The following IQCH variants were observed in gnomAD, a reference collection of about 807,000 sequenced individuals.
IQCH encodes IQ domain-containing protein H.
In IQCH, 98 loss-of-function variants were observed where a neutral mutation model predicts 117.0. That is an observed-to-expected ratio of 0.84 (90% confidence interval 0.71 to 0.99). The LOEUF (loss-of-function observed/expected upper bound fraction) is 0.99. IQCH is among the 50% of genes least tolerant of loss of function. IQCH has a pLI of 0.00. For missense variants in IQCH, 1,102 were observed against 1,243.8 expected, an observed-to-expected ratio of 0.89 and a Z score of 1.72; for synonymous variants, 412 against 448.2, an observed-to-expected ratio of 0.92 and a Z score of 1.02.
Position 67,490,359 on chromosome 15 carries a change from C to T in IQCH, c.2861+295C>T, listed in dbSNP as rs1001224733. Among the ~76,000 whole-genome samples the T allele has an allele frequency of 3.9e-5, 6 of 152,094 alleles. No individual in the cohort carries two copies. Among genetic ancestry groups the T allele is most frequent in the Non-Finnish European group, 8.8e-5 (6 of 68,016 alleles). ...TAGCTGGGATTACAGGTGCGTGCCA[C>T]CATGCCCAGCTAATTTTTGTATTTT... On this transcript the variant is annotated intron_variant, in intron 19 of 20. Transcript: ENST00000335894. The surrounding 1 kb of genome is among the most constrained non-coding windows in gnomAD (Gnocchi z 4.9).
intron 4 of IQCH, among the ~76,000 whole-genome samples, chr15:67,318,027 G>A (rs1028284214): frequency 5.9e-5 from 9 of 152,108 alleles, no homozygotes; most frequent in Admixed American, 1.3e-4. Flanking sequence ...TCACCCCCAT[G>A]CCCAATTTTC....
At chr15:67,289,980 C>T (rs557827200) in intron 4 of IQCH, among the ~76,000 whole-genome samples, 8 of 152,216 alleles carry the variant, frequency 5.3e-5, no homozygotes, top group East Asian at 3.9e-4. Context: ...TTTGACATCA[C>T]GTGCAGCATC....
rs188508258 is a variant in IQCH at position 67,328,138 on chromosome 15, G to T, written c.388-8837G>T. On this transcript the variant is annotated intron_variant, in intron 4 of 20. Transcript: ENST00000335894. ...TTCAAATAGTTGGAGTTTTGTGGGG[G>T]TTTTTTGTTTGTTTGTTTTTAGTTT... 5.6e-3 allele frequency among the ~76,000 whole-genome samples: 763 copies of T among 136,764 alleles called. 6 individuals carry two copies. The highest frequency in any genetic ancestry group is 0.018 in the African/African-American group (683 of 38,012). 89.7% of individuals were successfully genotyped at this position (136,764 alleles called of 152,430 possible). A position where few individuals can be genotyped will look rare whatever the true frequency, so the allele number is the denominator to read the frequency against.
chr15:67,298,681 C>T (rs1422755143), intron 4 of IQCH, among the ~76,000 whole-genome samples: 1 of 152,056 alleles, frequency 6.6e-6, no homozygotes. Context: ...GCCTGGCCAA[C>T]ATGATGAAAC....
intron 10 of IQCH, among the ~76,000 whole-genome samples, chr15:67,380,839 T>A (rs934356154): frequency 3.9e-5 from 6 of 152,268 alleles, no homozygotes; most frequent in Admixed American, 3.9e-4. Context: ...TTGAGAACTA[T>A]TCCTCCAGAT....
In IQCH at chr15:67,357,363, G is replaced by A. The variant is rs945372739; in HGVS notation, c.656G>A (p.Arg219Gln). The A allele has an allele frequency of 1.9e-5, 30 of 1,609,976 alleles. No homozygotes were observed. Among genetic ancestry groups the A allele is most frequent in the Non-Finnish European group, 2.3e-5 (27 of 1,176,358 alleles). Residue 219 changes from arginine to glutamine, a missense_variant, in exon 7 of 21, where the codon CGG (arginine) becomes CAG (glutamine). Physicochemically the swap from Arg to Gln is conservative, Grantham distance 43. Transcript: ENST00000335894. Reference sequence around the variant, plus strand: ...TCCACAGCCACTTTCACTATACCTCGGGAACCACCTCCATCTCCAGCAGAA... The same window carrying A: ...TCCACAGCCACTTTCACTATACCTCAGGAACCACCTCCATCTCCAGCAGAA... ...IPTVATFTIP[R>Q]EPPPSPAEVK... is the part of the protein sequence containing the mutation.
At chr15:67,317,761 A>G (rs1334991711) in intron 4 of IQCH, among the ~76,000 whole-genome samples, 1 of 152,192 alleles carries the variant, frequency 6.6e-6, no homozygotes, top group Non-Finnish European at 1.5e-5. Context: ...ATTTAATTCA[A>G]TAAAATGTAA....
intron 18 of IQCH, among the ~76,000 whole-genome samples, chr15:67,477,809 C>T (rs977051915): frequency 1.1e-4 from 17 of 152,170 alleles, no homozygotes; most frequent in African/African-American, 3.6e-4. Flanking sequence ...CTTCCCCCCA[C>T]ACAAAAGTGC....
intron 5 of IQCH, among the ~76,000 whole-genome samples, chr15:67,340,035 CCTA>C (rs1432086730): frequency 6.6e-6 from 1 of 152,154 alleles, no homozygotes; most frequent in Non-Finnish European, 1.5e-5. Context: ...TTCCTTACCA[CCTA>C]TAAGGCTGAA....
chr15:67,442,861 TAGATATAC>T (rs869178344), intron 16 of IQCH, among the ~76,000 whole-genome samples: 1 of 124,676 alleles, frequency 8.0e-6, no homozygotes, highest in African/African-American at 3.1e-5. Flanking sequence ...GATAGATAGA[TAGATATAC>T]ATATATATAT....
chr15:67,412,014 G>A (rs1025751035), intron 14 of IQCH, among the ~76,000 whole-genome samples: 36 of 152,170 alleles, frequency 2.4e-4, no homozygotes, highest in African/African-American at 8.4e-4. Context: ...AGAGGTAAAT[G>A]TGGGCACTGG....
chr15:67,314,994 C>A (rs1383640844), intron 4 of IQCH, among the ~76,000 whole-genome samples: 1 of 152,110 alleles, frequency 6.6e-6, no homozygotes. Flanking sequence ...AACTTAGAGC[C>A]CATTAGTCTG....
At chr15:67,277,996 A>G (rs1966199983) in intron 3 of IQCH, among the ~76,000 whole-genome samples, 1 of 152,112 alleles carries the variant, frequency 6.6e-6, no homozygotes, top group Admixed American at 6.6e-5. Flanking sequence ...AGAAGGAAGC[A>G]TTCTATACTC....
chr15:67,420,281 A>C (rs547650063), intron 15 of IQCH, among the ~76,000 whole-genome samples: 1 of 152,308 alleles, frequency 6.6e-6, no homozygotes, highest in African/African-American at 2.4e-5. Context: ...ACTGCATTTG[A>C]AAACTGCTCA....
At chr15:67,368,864 T>C (rs1044929166) in intron 8 of IQCH, among the ~76,000 whole-genome samples, 3 of 152,170 alleles carry the variant, frequency 2.0e-5, no homozygotes, top group African/African-American at 7.2e-5. Flanking sequence ...TTCTTTGTGG[T>C]AGTTATTTCT....
chr15:67,273,967 T>C (rs1287848250), intron 3 of IQCH, among the ~76,000 whole-genome samples: 1 of 152,226 alleles, frequency 6.6e-6, no homozygotes, highest in Non-Finnish European at 1.5e-5. Context: ...TTTTTTCTTT[T>C]AGCACTTTGA....
At chr15:67,275,020 C>G (rs1344292606) in intron 3 of IQCH, among the ~76,000 whole-genome samples, 5 of 152,172 alleles carry the variant, frequency 3.3e-5, no homozygotes, top group Admixed American at 3.3e-4. Context: ...GTGGAACATA[C>G]TTTCTACAGC....
intron 4 of IQCH, among the ~76,000 whole-genome samples, chr15:67,307,382 G>A (rs1016559688): frequency 6.6e-6 from 1 of 151,564 alleles, no homozygotes; most frequent in African/African-American, 2.4e-5. Context: ...CACTTGGGGT[G>A]TACATAGTAA....
rs1373108318 is a variant in IQCH at position 67,342,760 on chromosome 15, T to G, written c.509-1303T>G. Among the ~76,000 whole-genome samples the G allele has an allele frequency of 1.3e-5, 2 of 152,144 alleles. No individual in the cohort carries two copies. Among genetic ancestry groups the G allele is most frequent in the Non-Finnish European group, 2.9e-5 (2 of 68,032 alleles). On this transcript the variant is annotated intron_variant, in intron 5 of 20. Transcript: ENST00000335894. This position sits in a 1 kb window ranked among gnomAD's most constrained non-coding sequence, Gnocchi z 4.7. ...ATACTCTGGATCAGTAATTCTTAAG[T>G]GTTAAGAGTACAAAAGATTAACCTG...
Sources: allele counts gnomAD v4.1 joint callset (sites outside exome capture counted in the v4.1 genomes callset), GRCh38; gene constraint gnomAD v4.1.1; non-coding constraint Gnocchi (gnomAD v3.1); transcripts MANE v1.5; gene names NCBI Gene and HGNC (gene_info 2026-07-23, HGNC 2026-07-21).